The following PALS1 variants were observed in gnomAD, a reference collection of about 807,000 sequenced individuals.
PALS1 encodes the protein protein PALS1.
PALS1 carries 31 observed loss-of-function variants against 78.9 expected under a neutral mutation model. That is an observed-to-expected ratio of 0.39 (90% CI 0.30 to 0.53). The LOEUF (loss-of-function observed/expected upper bound fraction) is 0.53. PALS1 is among the 20% of genes least tolerant of loss of function. The probability of loss-of-function intolerance (pLI) is 0.67; values close to 1 mark genes in which losing one functional copy is unlikely to be tolerated. For missense variants in PALS1, 704 were observed against 826.5 expected, an observed-to-expected ratio of 0.85 and a Z score of 1.82; for synonymous variants, 276 against 270.9, an observed-to-expected ratio of 1.02 and a Z score of -0.18.
intron 14 of PALS1, among the ~76,000 whole-genome samples, chr14:67,328,647 C>T (rs972214784): frequency 9.9e-5 from 15 of 152,174 alleles, no homozygotes; most frequent in Admixed American, 9.2e-4. Context: ...CTTGAATTAA[C>T]TTTTGTATAA....
intron 8 of PALS1, among the ~76,000 whole-genome samples, chr14:67,304,817 A>AAC (rs149061475): frequency 0.15 from 23,476 of 152,142 alleles, 3,398 homozygotes; most frequent in East Asian, 0.41. Context: ...TTAAAAATGA[A>AAC]ACTTTAAAGT....
intron 1 of PALS1, among the ~76,000 whole-genome samples, chr14:67,264,838 A>G (rs1479823056): frequency 6.6e-6 from 1 of 152,224 alleles, no homozygotes; most frequent in African/African-American, 2.4e-5. Context: ...CAGAAATGCA[A>G]AAGCTGTTAA....
intron 1 of PALS1, among the ~76,000 whole-genome samples, chr14:67,243,557 A>G (rs887807256): frequency 6.9e-6 from 1 of 145,224 alleles, no homozygotes; most frequent in Non-Finnish European, 1.5e-5. Flanking sequence ...CAGTGGCGCA[A>G]TCTCGGCTCA....
In PALS1 at chr14:67,302,012, T is replaced by A. The variant is rs765053791; in HGVS notation, c.695T>A (p.Met232Lys). 2 of 1,608,522 alleles carry A rather than the reference T, an allele frequency of 1.2e-6. No homozygotes were observed. Among genetic ancestry groups the A allele is most frequent in the Non-Finnish European group, 1.7e-6 (2 of 1,177,626 alleles). Residue 232 changes from methionine (M) to lysine (K), a missense_variant, in exon 6 of 15, where the codon ATG becomes AAG. Transcript: ENST00000261681. ...CACGATAAGGTTGCTGAGCAGGAAA[T>A]GCAGCTAGAGCCCATTACAGATGAG... is the stretch of plus-strand genomic sequence containing the variant. ...LAHDKVAEQEMQLEPITDERV... is the reference protein window; with the variant it reads ...LAHDKVAEQEKQLEPITDERV...
At chr14:67,306,271 A>G (rs910814759) in intron 8 of PALS1, among the ~76,000 whole-genome samples, 3 of 149,150 alleles carry the variant, frequency 2.0e-5, no homozygotes, top group African/African-American at 7.4e-5. Flanking sequence ...AACCCGGCCT[A>G]TTTTCATATT....
intron 4 of PALS1, among the ~76,000 whole-genome samples, chr14:67,298,289 G>A (rs1467023144): frequency 6.6e-6 from 1 of 151,824 alleles, no homozygotes; most frequent in East Asian, 1.9e-4. Flanking sequence ...ACTAGGGGCC[G>A]GACCACCTGA....
At chr14:67,247,608 C>T (rs997738004) in intron 1 of PALS1, among the ~76,000 whole-genome samples, 1 of 151,722 alleles carries the variant, frequency 6.6e-6, no homozygotes, top group Non-Finnish European at 1.5e-5. Context: ...AAGATAGGGT[C>T]TCACTCTATC....
chr14:67,310,784 A>G (rs75361166), intron 8 of PALS1, among the ~76,000 whole-genome samples: 1 of 152,200 alleles, frequency 6.6e-6, no homozygotes, highest in Non-Finnish European at 1.5e-5. Flanking sequence ...AAATTAAAAA[A>G]TATTCTTTAA....
Position 67,292,730 on chromosome 14 carries a change from T to TA in PALS1, c.576+14dup. ...GATCTTGCTCAAGAGGTATGTATTC[T>TA]AAACATCTTGTTGATGTCTACAAGG... On this transcript the variant is annotated intron_variant, in intron 4 of 14. Transcript: ENST00000261681. The TA allele has an allele frequency of 6.2e-7, 1 of 1,604,858 alleles. No homozygotes were observed. The highest frequency in any genetic ancestry group is 1.1e-5 in the South Asian group (1 of 90,588).
intron 8 of PALS1, among the ~76,000 whole-genome samples, chr14:67,311,557 G>A (rs911216232): frequency 6.6e-6 from 1 of 152,054 alleles, no homozygotes; most frequent in Non-Finnish European, 1.5e-5. Context: ...GCCCAGGTTA[G>A]GTAAAAATTA....
Position 67,254,893 on chromosome 14 carries a change from G to T in PALS1, c.-237+13360G>T, listed in dbSNP as rs567834079. On this transcript the variant is annotated intron_variant, in intron 1 of 14. Transcript: ENST00000261681. ...TGGCCGGGCGCAGTGGCTCACACCT[G>T]TAATCCCAGCACTTTGGGAGGCCAA... is the stretch of plus-strand genomic sequence containing the variant. Among the ~76,000 whole-genome samples the T allele has an allele frequency of 5.3e-5, 8 of 152,328 alleles. No homozygotes were observed. In the South Asian group the frequency reaches 1.7e-3, roughly 32 times the overall value.
intron 8 of PALS1, chr14:67,312,295 T>C: frequency 3.5e-6 from 1 of 287,212 alleles, no homozygotes; most frequent in East Asian, 6.2e-5. Flanking sequence ...TGAAAAATTG[T>C]GGCCAAGTGC....
chr14:67,326,930 T>G (rs2141028915), intron 14 of PALS1, among the ~76,000 whole-genome samples: 1 of 152,336 alleles, frequency 6.6e-6, no homozygotes, highest in Middle Eastern at 3.4e-3. Context: ...ATCCCAGCAC[T>G]TTGGGAGGCC....
At position 67,315,881 on chromosome 14, in the gene PALS1, C is replaced by T. The variant is rs555534384; in HGVS notation, c.1226-951C>T. Among the ~76,000 whole-genome samples, 49 of 152,304 alleles carry T rather than the reference C, an allele frequency of 3.2e-4. 1 individual carries two copies. In the South Asian group the frequency reaches 7.5e-3, roughly 23 times the overall value. The stretch of plus-strand genomic sequence containing the variant: ...CGGAGGTTGCGGTGAGCCAAGATTG[C>T]GCCACTGCACTCCAGCCTGGGTGAC... On this transcript the variant is annotated intron_variant, in intron 9 of 14. Coordinates refer to ENST00000261681, the MANE Select transcript of PALS1 (RefSeq NM_022474.4).
intron 1 of PALS1, among the ~76,000 whole-genome samples, chr14:67,261,447 T>C (rs947197909): frequency 8.5e-5 from 13 of 152,178 alleles, no homozygotes; most frequent in Non-Finnish European, 1.6e-4. Context: ...TTAGGGATAT[T>C]ACAGTTACGA....
chr14:67,323,636 A>C (rs1002828047), intron 13 of PALS1, 66 bp from the exon 14 acceptor site: 75 of 434,836 alleles, frequency 1.7e-4, no homozygotes, highest in Middle Eastern at 9.2e-4. Context: ...ATATATATAT[A>C]TCAGTATTAT....
intron 9 of PALS1, among the ~76,000 whole-genome samples, chr14:67,316,001 G>A (rs929398794): frequency 2.0e-5 from 3 of 152,150 alleles, no homozygotes; most frequent in African/African-American, 4.8e-5. Flanking sequence ...GTACACTTAC[G>A]AAATGCACTA....
chr14:67,276,564 C>T (rs150636892), intron 2 of PALS1, among the ~76,000 whole-genome samples: 1 of 152,146 alleles, frequency 6.6e-6, no homozygotes, highest in African/African-American at 2.4e-5. Flanking sequence ...ATGTATTAGG[C>T]TAAGCACTGG....
chr14:67,280,923 G>T (rs558569058), intron 3 of PALS1, among the ~76,000 whole-genome samples: 1 of 140,620 alleles, frequency 7.1e-6, no homozygotes, highest in East Asian at 2.2e-4. Flanking sequence ...TTGAGGTGGA[G>T]TCTTGCTCTG....
Sources: gnomAD v4.1 joint callset for allele counts (sites outside exome capture counted in the v4.1 genomes callset) on GRCh38, gnomAD v4.1.1 for gene constraint, MANE v1.5 for transcripts, NCBI Gene and HGNC (gene_info 2026-07-23, HGNC 2026-07-21) for gene names.